Variants in ST7 observed in about 807,000 individuals in gnomAD.
ST7 encodes suppressor of tumorigenicity 7 protein.
ST7 carries 28 observed loss-of-function variants against 78.7 expected under a neutral mutation model. That is an observed-to-expected ratio of 0.36 (90% CI 0.26 to 0.49). The LOEUF (loss-of-function observed/expected upper bound fraction) is 0.49, where lower values mean the gene tolerates loss of function less well. Ranked by LOEUF, ST7 falls within the 20% of genes least tolerant of loss-of-function variation. The pLI is 0.99. For missense variants in ST7, 418 were observed against 696.0 expected (o/e 0.60, Z 4.49); for synonymous variants, 247 against 249.6 (o/e 0.99, Z 0.10).
intron 1 of ST7, among the ~76,000 whole-genome samples, chr7:117,018,495 T>A (rs1047739350): frequency 1.3e-5 from 2 of 152,216 alleles, no homozygotes; most frequent in Non-Finnish European, 2.9e-5. Flanking sequence ...TTTTTTTTCT[T>A]CATGTTTTGA....
chr7:117,076,814 T>A (rs544470753), intron 1 of ST7, among the ~76,000 whole-genome samples: 46 of 152,316 alleles, frequency 3.0e-4, no homozygotes, highest in Non-Finnish European at 5.9e-4. Flanking sequence ...ATGGCTTAAG[T>A]GTTAACAGCT....
At chr7:117,141,218 A>T (rs1805265913) in intron 9 of ST7, among the ~76,000 whole-genome samples, 1 of 152,202 alleles carries the variant, frequency 6.6e-6, no homozygotes, top group Admixed American at 6.5e-5. Context: ...ATGAGTTTAA[A>T]ACTTTCCTAG....
intron 1 of ST7, chr7:116,972,424 A>C: frequency 1.4e-6 from 1 of 718,336 alleles, no homozygotes; most frequent in Non-Finnish European, 2.4e-6. Context: ...CTGGTCCATC[A>C]GTCTGATCTG....
At chr7:116,973,140 T>C (rs1275891977) in intron 1 of ST7, among the ~76,000 whole-genome samples, 1 of 152,018 alleles carries the variant, frequency 6.6e-6, no homozygotes, top group Non-Finnish European at 1.5e-5. Context: ...GGCTTCTGTG[T>C]TCCTTTGACA....
At chr7:117,160,175 G>C (rs908558668) in intron 9 of ST7, among the ~76,000 whole-genome samples, 1 of 150,312 alleles carries the variant, frequency 6.7e-6, no homozygotes, top group Non-Finnish European at 1.5e-5. Context: ...GGAGGTTGCA[G>C]TGAGCCAAGA....
intron 15 of ST7, among the ~76,000 whole-genome samples, chr7:117,229,529 T>G (rs1212121606): frequency 6.6e-6 from 1 of 151,878 alleles, no homozygotes; most frequent in Non-Finnish European, 1.5e-5. Flanking sequence ...GTCAGGGGAG[T>G]GAGGGGGCTG....
At chr7:116,963,926 G>A (rs1792967787) in intron 1 of ST7, among the ~76,000 whole-genome samples, 1 of 151,972 alleles carries the variant, frequency 6.6e-6, no homozygotes, top group South Asian at 2.1e-4. Context: ...GTTGACCTCC[G>A]CATCTAATAA....
At chr7:116,984,567 A>G (rs1309378613) in intron 1 of ST7, among the ~76,000 whole-genome samples, 1 of 152,182 alleles carries the variant, frequency 6.6e-6, no homozygotes, top group Non-Finnish European at 1.5e-5. Context: ...GGTGGGGTAG[A>G]TGAGGAGATG....
At chr7:117,116,936 C>G (rs1018873677) in intron 2 of ST7, among the ~76,000 whole-genome samples, 1 of 152,040 alleles carries the variant, frequency 6.6e-6, no homozygotes, top group Non-Finnish European at 1.5e-5. Flanking sequence ...GTTTTTATAA[C>G]TAGGAAAGCA....
intron 1 of ST7, among the ~76,000 whole-genome samples, chr7:116,998,987 A>C (rs939372136): frequency 1.3e-5 from 2 of 152,232 alleles, no homozygotes; most frequent in Non-Finnish European, 2.9e-5. Context: ...TTGTGTCCCT[A>C]CTATGTGCTA....
intron 12 of ST7, among the ~76,000 whole-genome samples, chr7:117,200,484 T>G (rs561729876): frequency 1.3e-5 from 2 of 152,218 alleles, no homozygotes; most frequent in Admixed American, 1.3e-4. Context: ...AAAGAAAAAT[T>G]GCCAGCACCA....
At chr7:117,057,619 A>T (rs903972541) in intron 1 of ST7, among the ~76,000 whole-genome samples, 5 of 152,170 alleles carry the variant, frequency 3.3e-5, no homozygotes, top group African/African-American at 1.2e-4. Flanking sequence ...CCAATTGAAG[A>T]TGTCTAACAT....
intron 12 of ST7, among the ~76,000 whole-genome samples, chr7:117,194,389 A>G (rs1195707156): frequency 6.6e-6 from 1 of 152,182 alleles, no homozygotes; most frequent in Non-Finnish European, 1.5e-5. Flanking sequence ...CACTTTCTCT[A>G]AGAAAACCCT....
chr7:116,978,490 C>T (rs942915347), intron 1 of ST7, among the ~76,000 whole-genome samples: 9 of 152,100 alleles, frequency 5.9e-5, no homozygotes, highest in African/African-American at 2.2e-4. Context: ...CTTCAATATA[C>T]ATTATGGAGA....
chr7:117,089,036 G>A (rs543698276), intron 1 of ST7, among the ~76,000 whole-genome samples: 10 of 152,290 alleles, frequency 6.6e-5, no homozygotes, highest in East Asian at 1.9e-4. Flanking sequence ...GTTATTTTAC[G>A]TAGTTCCAGT....
chr7:117,006,933 A>T (rs764366863), intron 1 of ST7, among the ~76,000 whole-genome samples: 2 of 152,200 alleles, frequency 1.3e-5, no homozygotes, highest in African/African-American at 4.8e-5. Context: ...AGCTTAATTG[A>T]TAAGTGTGTG....
chr7:116,994,100 A>G (rs1474383753), intron 1 of ST7, among the ~76,000 whole-genome samples: 2 of 152,174 alleles, frequency 1.3e-5, no homozygotes, highest in Non-Finnish European at 2.9e-5. Context: ...ACCACTGTTT[A>G]TCTCTAGAAC....
chr7:117,130,732 A>G lies in ST7; in HGVS notation c.565+126A>G, dbSNP rs1485758267. 5.0e-6 allele frequency: 3 copies of G among 604,158 alleles called. No individual in the cohort carries two copies. The East Asian group carries it at 9.2e-5, about 18-fold the overall frequency. 37.4% of individuals were successfully genotyped at this position (604,158 alleles called of 1,614,324 possible). Reference sequence around the variant, plus strand: ...AAAATATTAAATTGTTGATTGACTAATAAGAACCCAGAACTCTGATAATTA... The same window carrying G: ...AAAATATTAAATTGTTGATTGACTAGTAAGAACCCAGAACTCTGATAATTA... On this transcript the variant is annotated intron_variant, in intron 5 of 15. Coordinates refer to ENST00000323984, the MANE Select transcript of ST7 (RefSeq NM_001369598.1).
At chr7:117,054,619 A>G (rs1042252245) in intron 1 of ST7, among the ~76,000 whole-genome samples, 1 of 152,218 alleles carries the variant, frequency 6.6e-6, no homozygotes, top group African/African-American at 2.4e-5. Context: ...TAAATGTGCT[A>G]TGCTTGAGGT....
Sources: allele counts gnomAD v4.1 joint callset (sites outside exome capture counted in the v4.1 genomes callset), GRCh38; gene constraint gnomAD v4.1.1; transcripts MANE v1.5; gene names NCBI Gene and HGNC (gene_info 2026-07-23, HGNC 2026-07-21).